Variants in EIF3E observed in about 807,000 individuals in gnomAD.
EIF3E encodes the protein eIF-3 p48.
Under a neutral mutation model 59.3 loss-of-function variants are expected in EIF3E, and 25 were observed. The observed-to-expected ratio is 0.42, with a 90% confidence interval of 0.31 to 0.59. The LOEUF (loss-of-function observed/expected upper bound fraction) is 0.59. Among genes scored for constraint, EIF3E ranks in the 20% least tolerant of loss-of-function variants. The pLI, the probability that EIF3E is intolerant of heterozygous loss-of-function variation, is 0.15. For missense variants in EIF3E, 317 were observed against 534.3 expected (o/e 0.59, Z 4.01); for synonymous variants, 176 against 170.2 (o/e 1.03, Z -0.26).
intron 10 of EIF3E, among the ~76,000 whole-genome samples, chr8:108,211,724 T>C (rs572302393): frequency 6.6e-6 from 1 of 152,296 alleles, no homozygotes; most frequent in African/African-American, 2.4e-5. Flanking sequence ...CCTAATGCAG[T>C]GGTTTTGGAT....
At chr8:108,228,921 C>A in intron 6 of EIF3E, 149 bp downstream of exon 6, 1 of 791,882 alleles carries the variant, frequency 1.3e-6, no homozygotes. Flanking sequence ...CTAGTCAAGC[C>A]ACTAATCCAC....
At chr8:108,236,055 C>A (rs987973075) in intron 4 of EIF3E, 106 bp downstream of exon 4, 3 of 829,268 alleles carry the variant, frequency 3.6e-6, no homozygotes, top group African/African-American at 3.6e-5. Flanking sequence ...ATAAATTAAT[C>A]TGGAAATTAT....
At chr8:108,240,223 G>C in intron 2 of EIF3E, 148 bp from the exon 3 acceptor site, 1 of 691,636 alleles carries the variant, frequency 1.4e-6, no homozygotes, top group Non-Finnish European at 2.6e-6. Flanking sequence ...GGGCTACTCA[G>C]TCAGAAATGT....
chr8:108,235,118 A>T lies in EIF3E; in HGVS notation c.367-16T>A. On this transcript the variant is annotated splice_polypyrimidine_tract_variant and intron_variant, in intron 4 of 12. Transcript: ENST00000220849. Reference sequence around the variant, plus strand: ...CCTGCCTAAACTAAAAAGAAAAAAAAAAGATTAAGTTCTCTTTAATTTAGA... The same window carrying T: ...CCTGCCTAAACTAAAAAGAAAAAAATAAGATTAAGTTCTCTTTAATTTAGA... 6.7e-7 allele frequency: 1 copy of T among 1,481,912 alleles called. No homozygotes were observed. The allele number at this position is 1,481,912 out of a possible 1,614,324, so 91.8% of individuals were successfully genotyped here. A position where few individuals can be genotyped will look rare whatever the true frequency, so the allele number is the denominator to read the frequency against.
chr8:108,203,769 G>C (rs1388774854), intron 10 of EIF3E, among the ~76,000 whole-genome samples: 1 of 151,998 alleles, frequency 6.6e-6, no homozygotes, highest in Non-Finnish European at 1.5e-5. Flanking sequence ...AAATCCTTCA[G>C]CTTCTAGAAC....
chr8:108,206,892 T>C (rs943274052), intron 10 of EIF3E, among the ~76,000 whole-genome samples: 4 of 152,198 alleles, frequency 2.6e-5, no homozygotes, highest in Admixed American at 2.0e-4. Flanking sequence ...CTAAGACTCA[T>C]TCCAACATAG....
intron 10 of EIF3E, among the ~76,000 whole-genome samples, chr8:108,206,054 T>G (rs1815095616): frequency 1.3e-5 from 2 of 152,146 alleles, no homozygotes; most frequent in South Asian, 4.1e-4. Context: ...CTTTCAACAC[T>G]TTTAACTTTC....
In EIF3E at chr8:108,216,473, T is replaced by G; in HGVS notation, c.890A>C (p.Glu297Ala). 1 of 1,610,090 alleles carries G rather than the reference T, an allele frequency of 6.2e-7. No homozygotes were observed. Among genetic ancestry groups the G allele is most frequent in the Non-Finnish European group, 8.5e-7 (1 of 1,178,714 alleles). ...TYKDPITEFVECLYVNFDFDG... is the reference protein window; with the variant it reads ...TYKDPITEFVACLYVNFDFDG... ...AAAGTCAAAGTTAACATATAAACAT[T>G]CAACAAATTCTGTAATTGGGTCTTT... Residue 297 changes from glutamate (E) to alanine (A), a missense_variant, in exon 9 of 13, where the codon GAA (glutamate) becomes GCA (alanine). By Grantham distance (107) the Glu-to-Ala change is moderately radical. Transcript: ENST00000220849.
chr8:108,214,789 T>C lies in EIF3E; in HGVS notation c.952-73A>G. On this transcript the variant is annotated intron_variant, in intron 9 of 12. Coordinates refer to ENST00000220849, the MANE Select transcript of EIF3E (RefSeq NM_001568.3). The stretch of plus-strand genomic sequence containing the variant: ...CCTGAAACGTGAATCAAATACTTTA[T>C]CTGCTTTATTTTTCCATTCTACAAT... 3.1e-6 allele frequency: 4 copies of C among 1,295,800 alleles called. No homozygotes were observed. In the South Asian group the frequency reaches 5.3e-5, roughly 17 times the overall value. The allele number at this position is 1,295,800 out of a possible 1,614,324, so 80.3% of individuals were successfully genotyped here.
In EIF3E at chr8:108,248,688, G is replaced by C; in HGVS notation, c.15C>G (p.Asp5Glu). The stretch of plus-strand genomic sequence containing the variant: ...AAAAGTGCGCGATGCGAGTAGTCAA[G>C]TCGTACTCCGCCATCTTGCCAAAGA... MAEY[D>E]LTTRIAHFLD... The change falls in exon 1 of 13, where the codon GAC (aspartate) becomes GAG (glutamate). Residue 5 changes from aspartate to glutamate, a missense_variant. Around this residue, in one of 4 missense-constraint regions of EIF3E, gnomAD observed 30 missense variants for 22.2 expected, o/e 1.35. Transcript: ENST00000220849. 3 of 1,614,192 alleles carry C rather than the reference G, an allele frequency of 1.9e-6. No homozygotes were observed. Among genetic ancestry groups the C allele is most frequent in the Non-Finnish European group, 2.5e-6 (3 of 1,180,022 alleles).
At chr8:108,240,325 T>C (rs702808) in intron 2 of EIF3E, among the ~76,000 whole-genome samples, 88,135 of 151,954 alleles carry the variant, frequency 0.58, 25,563 homozygotes, top group Middle Eastern at 0.63. Flanking sequence ...CTAGAGAATA[T>C]ACAGCCTTGG....
chr8:108,222,866 A>G lies in EIF3E; in HGVS notation c.722+5401T>C, dbSNP rs149232133. Among the ~76,000 whole-genome samples, 1,284 of 138,678 alleles carry G rather than the reference A, an allele frequency of 9.3e-3. 35 individuals are homozygous for G. The highest frequency in any genetic ancestry group is 0.033 in the African/African-American group (1,228 of 37,046). The allele number at this position is 138,678 out of a possible 152,430, so 91.0% of individuals were successfully genotyped here. ...TTTTTTTTTAAATAACAGACTCAGT[A>G]TTTGTGCTATGAAGTGAAATTTCAA... On this transcript the variant is annotated intron_variant, in intron 7 of 12. Transcript: ENST00000220849.
intron 1 of EIF3E, chr8:108,242,890 C>T (rs1259691682): frequency 6.4e-6 from 1 of 157,096 alleles, no homozygotes; most frequent in African/African-American, 2.4e-5. Context: ...TGGATGTAGA[C>T]TAACTGGAAC....
intron 7 of EIF3E, among the ~76,000 whole-genome samples, chr8:108,222,835 T>G (rs1426651889): frequency 2.0e-5 from 3 of 151,308 alleles, no homozygotes; most frequent in Non-Finnish European, 2.9e-5. Context: ...TTAGTTTTTT[T>G]TTTTTTTTTT....
At chr8:108,205,260 T>C (rs600224) in intron 10 of EIF3E, among the ~76,000 whole-genome samples, 27,935 of 152,112 alleles carry the variant, frequency 0.18, 2,876 homozygotes, top group Middle Eastern at 0.23. Context: ...GTAACCAAAG[T>C]GCACGCACCG....
intron 1 of EIF3E, among the ~76,000 whole-genome samples, chr8:108,243,739 G>A (rs1284932461): frequency 6.8e-6 from 1 of 146,204 alleles, no homozygotes; most frequent in African/African-American, 2.5e-5. Context: ...AAAAAAATAT[G>A]TATCATTGAC....
chr8:108,246,664 T>C (rs1815955708), intron 1 of EIF3E, among the ~76,000 whole-genome samples: 3 of 151,974 alleles, frequency 2.0e-5, no homozygotes, highest in Admixed American at 2.0e-4. Context: ...TGACTTCCCA[T>C]CCACTTCCTC....
chr8:108,245,133 C>G (rs1209710657), intron 1 of EIF3E, among the ~76,000 whole-genome samples: 2 of 151,666 alleles, frequency 1.3e-5, no homozygotes, highest in African/African-American at 4.9e-5. Flanking sequence ...CCCCCCCTCC[C>G]ATCCCATACC....
At chr8:108,230,266 T>A (rs1189698630) in intron 5 of EIF3E, among the ~76,000 whole-genome samples, 1 of 152,140 alleles carries the variant, frequency 6.6e-6, no homozygotes, top group Non-Finnish European at 1.5e-5. Flanking sequence ...ACTTAACAGC[T>A]AGTTTGTACT....
Sources: allele counts gnomAD v4.1 joint callset (sites outside exome capture counted in the v4.1 genomes callset), GRCh38; gene constraint gnomAD v4.1.1; regional missense constraint gnomAD v4.1.1; transcripts MANE v1.5; gene names NCBI Gene and HGNC (gene_info 2026-07-23, HGNC 2026-07-21).